PEBP4: variants seen among roughly 807,000 people sequenced by gnomAD.
PEBP4 encodes the protein phosphatidylethanolamine-binding protein 4.
PEBP4 carries 22 observed loss-of-function variants against 23.9 expected under a neutral mutation model. The observed-to-expected ratio is 0.92, with a 90% confidence interval of 0.66 to 1.31. The LOEUF is 1.31. Among genes scored for constraint, PEBP4 ranks in the 40% most tolerant of loss-of-function variants. The pLI is 0.00. For synonymous variants in PEBP4, 112 were observed against 99.3 expected (o/e 1.13, Z -0.76); for missense variants, 324 against 281.7 (o/e 1.15, Z -1.07).
intron 3 of PEBP4, chr8:22,885,766 C>T (rs548904804): frequency 6.6e-6 from 1 of 152,300 alleles, no homozygotes; most frequent in Admixed American, 6.5e-5. Context: ...GATGAATACG[C>T]CTCGTGGGTA....
At chr8:22,785,253 C>T (rs752851381) in intron 4 of PEBP4, among the ~76,000 whole-genome samples, 10 of 152,140 alleles carry the variant, frequency 6.6e-5, no homozygotes, top group African/African-American at 1.9e-4. Context: ...GGAAAAAAGC[C>T]GTTGGCCCTC....
upstream of PEBP4, among the ~76,000 whole-genome samples, chr8:22,928,855 A>T (rs1429284841): frequency 6.6e-6 from 1 of 152,208 alleles, no homozygotes; most frequent in Non-Finnish European, 1.5e-5. Flanking sequence ...ATCGCTGTAA[A>T]GTACACGCAG....
intron 3 of PEBP4, among the ~76,000 whole-genome samples, chr8:22,840,063 T>C (rs59078432): frequency 6.6e-6 from 1 of 152,182 alleles, no homozygotes; most frequent in South Asian, 2.1e-4. Flanking sequence ...GAAATTTTTT[T>C]CTGTGTGTGG....
intron 4 of PEBP4, among the ~76,000 whole-genome samples, chr8:22,746,964 T>G (rs543622927): frequency 6.6e-6 from 1 of 152,320 alleles, no homozygotes; most frequent in East Asian, 1.9e-4. Context: ...CAGCTGGGAC[T>G]ATGGGCATGT....
chr8:22,933,972 G>A (rs548075930), intron 1 of PEBP4, among the ~76,000 whole-genome samples: 352 of 152,312 alleles, frequency 2.3e-3, no homozygotes, highest in African/African-American at 7.9e-3. Context: ...AAGGGAAAGG[G>A]AAGCTGGAGT....
chr8:22,796,257 C>CATGT (rs201069763), intron 4 of PEBP4, among the ~76,000 whole-genome samples: 3,126 of 149,844 alleles, frequency 0.021, 55 homozygotes, highest in South Asian at 0.042. Flanking sequence ...CTCAAGTGTG[C>CATGT]GTGTGTGTGT....
At chr8:22,892,516 C>T (rs1808515013) in intron 3 of PEBP4, among the ~76,000 whole-genome samples, 1 of 152,190 alleles carries the variant, frequency 6.6e-6, no homozygotes, top group Non-Finnish European at 1.5e-5. Context: ...TCTGTATTAA[C>T]TAGTTTTCTG....
At chr8:22,920,432 A>T (rs2128780710) in intron 2 of PEBP4, 122 bp from the exon 3 acceptor site, 1 of 1,175,256 alleles carries the variant, frequency 8.5e-7, no homozygotes, top group Non-Finnish European at 1.2e-6. Flanking sequence ...TAAACCTGCC[A>T]CTAACTAGTT....
At chr8:22,925,048 T>C (rs756953805) in intron 2 of PEBP4, 6 of 985,308 alleles carry the variant, frequency 6.1e-6, no homozygotes, top group Non-Finnish European at 4.8e-6. Flanking sequence ...CGAGTGGGGA[T>C]CTTGAGGAGG....
chr8:22,879,970 C>T (rs1414413217), intron 3 of PEBP4, among the ~76,000 whole-genome samples: 10 of 152,134 alleles, frequency 6.6e-5, no homozygotes, highest in Non-Finnish European at 1.3e-4. Context: ...TTTGTTGTGG[C>T]GGTTGTCTCC....
At chr8:22,841,080 T>C (rs1807319248) in intron 3 of PEBP4, among the ~76,000 whole-genome samples, 1 of 152,260 alleles carries the variant, frequency 6.6e-6, no homozygotes, top group African/African-American at 2.4e-5. Flanking sequence ...ACGCATTTTA[T>C]TCTGCAGCCA....
intron 3 of PEBP4, among the ~76,000 whole-genome samples, chr8:22,828,866 A>G (rs1008642195): frequency 2.6e-5 from 4 of 151,696 alleles, no homozygotes; most frequent in African/African-American, 4.8e-5. Context: ...TTCCCTCTCT[A>G]TCTCAACCAT....
At chr8:22,839,274 G>A (rs769991835) in intron 3 of PEBP4, among the ~76,000 whole-genome samples, 7 of 152,160 alleles carry the variant, frequency 4.6e-5, no homozygotes, top group Non-Finnish European at 5.9e-5. Flanking sequence ...TGAGGTGGGT[G>A]GAGCCTTGGT....
chr8:22,827,276 T>C (rs1484114267), intron 3 of PEBP4, among the ~76,000 whole-genome samples: 3 of 152,206 alleles, frequency 2.0e-5, no homozygotes, highest in African/African-American at 2.4e-5. Context: ...ATTTTAAGTG[T>C]ACATTTCAAT....
At chr8:22,903,534 G>A (rs952312758) in intron 3 of PEBP4, among the ~76,000 whole-genome samples, 3 of 152,200 alleles carry the variant, frequency 2.0e-5, no homozygotes, top group Non-Finnish European at 4.4e-5. Flanking sequence ...GAATGGGGCT[G>A]CAGGGGAGGG....
intron 4 of PEBP4, among the ~76,000 whole-genome samples, chr8:22,737,141 A>G (rs57362039): frequency 0.025 from 3,738 of 152,144 alleles, 140 homozygotes; most frequent in African/African-American, 0.084. Context: ...TAAAAATACA[A>G]AAATTAGCAA....
At chr8:22,723,888 C>T (rs1470306344) in intron 6 of PEBP4, among the ~76,000 whole-genome samples, 1 of 152,174 alleles carries the variant, frequency 6.6e-6, no homozygotes, top group Non-Finnish European at 1.5e-5. Context: ...CCTGTGGGGC[C>T]TCCGGCATCG....
At chr8:22,923,327 G>A (rs370016160) in intron 2 of PEBP4, among the ~76,000 whole-genome samples, 2 of 152,146 alleles carry the variant, frequency 1.3e-5, no homozygotes, top group African/African-American at 2.4e-5. Context: ...AGCACTTTGG[G>A]AGGCTGAGGT....
At chr8:22,928,956 T>A (rs1270271552), upstream of PEBP4, among the ~76,000 whole-genome samples, 1 of 152,154 alleles carries the variant, frequency 6.6e-6, no homozygotes, top group Non-Finnish European at 1.5e-5. Flanking sequence ...AAAGCCCCCC[T>A]TAGGGGCTAC....
Sources: gnomAD v4.1 joint callset for allele counts (sites outside exome capture counted in the v4.1 genomes callset) on GRCh38, gnomAD v4.1.1 for gene constraint, MANE v1.5 for transcripts, NCBI Gene and HGNC (gene_info 2026-07-23, HGNC 2026-07-21) for gene names.